The following NPAS3 variants were observed in gnomAD, a reference collection of about 807,000 sequenced individuals.
NPAS3 encodes neuronal PAS domain-containing protein 3.
A neutral mutation model predicts 73.1 loss-of-function variants in NPAS3; 14 were observed. The observed-to-expected ratio is 0.19, with a 90% CI of 0.13 to 0.30. NPAS3 has a LOEUF of 0.30. Among genes scored for constraint, NPAS3 ranks in the 10% least tolerant of loss-of-function variants. The pLI is 1.00. For synonymous variants in NPAS3, 620 were observed against 541.5 expected (o/e 1.14, Z -2.01); for missense variants, 1,096 against 1,250.0 (o/e 0.88, Z 1.86).
intron 5 of NPAS3, chr14:33,612,683 C>T (rs1481409389): frequency 1.4e-5 from 5 of 349,594 alleles, no homozygotes; most frequent in African/African-American, 6.4e-5. Context: ...AAAGAGCAAA[C>T]TTTACATTTG....
intron 3 of NPAS3, among the ~76,000 whole-genome samples, chr14:33,259,591 G>C (rs952071872): frequency 6.6e-6 from 1 of 152,166 alleles, no homozygotes; most frequent in African/African-American, 2.4e-5. Flanking sequence ...ATGGGTGATA[G>C]GCAATGCTGA....
At chr14:33,615,358 A>G (rs1209347847) in intron 5 of NPAS3, among the ~76,000 whole-genome samples, 2 of 152,150 alleles carry the variant, frequency 1.3e-5, no homozygotes, top group Non-Finnish European at 2.9e-5. Context: ...AGAGGCAGAA[A>G]GATCAAGGAG....
chr14:33,088,128 G>A (rs149293140), intron 2 of NPAS3, among the ~76,000 whole-genome samples: 2 of 152,226 alleles, frequency 1.3e-5, no homozygotes, highest in South Asian at 4.1e-4. Flanking sequence ...GAAGATGGGG[G>A]ATTTCTGCAT....
intron 4 of NPAS3, among the ~76,000 whole-genome samples, chr14:33,527,592 G>A (rs2053858524): frequency 6.6e-6 from 1 of 152,130 alleles, no homozygotes; most frequent in Non-Finnish European, 1.5e-5. Context: ...AAAGATTTGA[G>A]TAAGTGTGTG....
chr14:33,483,327 T>A (rs577279490), intron 4 of NPAS3, among the ~76,000 whole-genome samples: 1 of 152,320 alleles, frequency 6.6e-6, no homozygotes, highest in East Asian at 1.9e-4. Flanking sequence ...AGTGTTGGGC[T>A]GCTTGTCTCC....
At chr14:33,008,630 G>T (rs143625413) in intron 1 of NPAS3, among the ~76,000 whole-genome samples, 15 of 152,184 alleles carry the variant, frequency 9.9e-5, no homozygotes, top group African/African-American at 2.4e-4. Context: ...TAAGTTTAAG[G>T]TTGTAGCACA....
rs866259273 is a variant in NPAS3 at position 33,544,806 on chromosome 14, A to G, written c.469-15315A>G. ...GTGTGTATTATATATATATATATAT[A>G]TATATGTATATATAATATATATGTG... On this transcript the variant is annotated intron_variant, in intron 4 of 11. Transcript: ENST00000356141. Among the ~76,000 whole-genome samples the G allele has an allele frequency of 3.7e-5, 3 of 80,686 alleles. 1 individual carries two copies. The highest frequency in any genetic ancestry group is 6.7e-5 in the Non-Finnish European group (3 of 44,876). The allele number at this position is 80,686 out of a possible 152,430, so 52.9% of individuals were successfully genotyped here. A position where few individuals can be genotyped will look rare whatever the true frequency, so the allele number is the denominator to read the frequency against.
chr14:33,744,005 G>A (rs1374964149), intron 7 of NPAS3, among the ~76,000 whole-genome samples: 1 of 152,206 alleles, frequency 6.6e-6, no homozygotes, highest in African/African-American at 2.4e-5. Context: ...CTTCTATCCA[G>A]AACACTAGAA....
chr14:33,346,297 G>A lies in NPAS3; in HGVS notation c.386-20889G>A, dbSNP rs181268810. On this transcript the variant is annotated intron_variant, in intron 3 of 11. Coordinates refer to ENST00000356141, the Ensembl canonical transcript of NPAS3. ...TAATCTCAGCACTTTGGGAGGCCAA[G>A]GTGGGGGGATTGTTTGAAGCTCAAG... Among the ~76,000 whole-genome samples the A allele has an allele frequency of 9.9e-3, 1,504 of 151,816 alleles. 128 individuals carry two copies. In the East Asian group the frequency reaches 0.21, roughly 21 times the overall value.
chr14:33,199,891 A>C (rs1261120057), intron 2 of NPAS3, among the ~76,000 whole-genome samples: 1 of 152,094 alleles, frequency 6.6e-6, no homozygotes, highest in African/African-American at 2.4e-5. Flanking sequence ...ATCATCTTTC[A>C]ACACGTACTT....
At chr14:33,541,299 G>T (rs1042520882) in intron 4 of NPAS3, among the ~76,000 whole-genome samples, 35 of 152,190 alleles carry the variant, frequency 2.3e-4, no homozygotes, top group Middle Eastern at 3.4e-3. Context: ...CCAGAAAATG[G>T]GTTTGTCACT....
upstream of NPAS3, among the ~76,000 whole-genome samples, chr14:32,938,668 G>GC (rs527891772): frequency 0.011 from 1,671 of 151,374 alleles, 31 homozygotes; most frequent in African/African-American, 0.036. Context: ...TAGACCCCGC[G>GC]CCCCCCGCAG....
At chr14:33,652,488 T>C (rs549477438) in intron 5 of NPAS3, among the ~76,000 whole-genome samples, 48 of 152,148 alleles carry the variant, frequency 3.2e-4, no homozygotes, top group African/African-American at 1.1e-3. Context: ...TAAATATAGC[T>C]CCTAAAACCC....
chr14:33,642,540 G>A lies in NPAS3; in HGVS notation c.559-33671G>A, dbSNP rs546589215. On this transcript the variant is annotated intron_variant, in intron 5 of 11. Coordinates refer to ENST00000356141, the Ensembl canonical transcript of NPAS3. Reference sequence around the variant, plus strand: ...TATAGATCATTTCTTTTAAGTCTGGGTACAAGATTGAAAAATCTCAATCTA... The same window carrying A: ...TATAGATCATTTCTTTTAAGTCTGGATACAAGATTGAAAAATCTCAATCTA... 2.0e-5 allele frequency among the ~76,000 whole-genome samples: 3 copies of A among 152,254 alleles called. No homozygotes were observed. The South Asian group carries it at 6.2e-4, about 32-fold the overall frequency.
chr14:33,505,275 C>T (rs981136563), intron 4 of NPAS3, among the ~76,000 whole-genome samples: 1 of 151,930 alleles, frequency 6.6e-6, no homozygotes, highest in African/African-American at 2.4e-5. Context: ...ATTATAGCCA[C>T]ATAATAGGTC....
At chr14:33,676,341 C>G in exon 6 of NPAS3, 8 of 1,602,246 alleles carry the variant, frequency 5.0e-6, no homozygotes, top group Non-Finnish European at 6.8e-6. Flanking sequence ...GAGGACGGAG[C>G]CAGCTCAGCA....
At chr14:33,045,621 A>G (rs2040482156) in intron 1 of NPAS3, among the ~76,000 whole-genome samples, 1 of 152,056 alleles carries the variant, frequency 6.6e-6, no homozygotes, top group Non-Finnish European at 1.5e-5. Flanking sequence ...TTTAATTTTC[A>G]TTTTAGTCAG....
chr14:33,390,150 C>T (rs967712664), intron 4 of NPAS3, among the ~76,000 whole-genome samples: 1 of 152,088 alleles, frequency 6.6e-6, no homozygotes, highest in Admixed American at 6.6e-5. Flanking sequence ...TTTAAGAATA[C>T]AATTGCTTTG....
chr14:33,632,434 C>T (rs947463418), intron 5 of NPAS3, among the ~76,000 whole-genome samples: 4 of 152,180 alleles, frequency 2.6e-5, no homozygotes, highest in Admixed American at 6.5e-5. Context: ...AATTAACAGA[C>T]ACTCAGAGCA....
Sources: gnomAD v4.1 joint callset for allele counts (sites outside exome capture counted in the v4.1 genomes callset) on GRCh38, gnomAD v4.1.1 for gene constraint, MANE v1.5 for transcripts, NCBI Gene and HGNC (gene_info 2026-07-23, HGNC 2026-07-21) for gene names.